The following PDE8B variants were observed in gnomAD, a reference collection of about 807,000 sequenced individuals.
The protein encoded by PDE8B is high affinity cAMP-specific and IBMX-insensitive 3',5'-cyclic phosphodiesterase 8B.
A neutral mutation model predicts 101.3 loss-of-function variants in PDE8B; 26 were observed. The observed-to-expected ratio is 0.26, with a 90% CI of 0.19 to 0.36. The LOEUF (loss-of-function observed/expected upper bound fraction) is 0.36. Among genes scored for constraint, PDE8B ranks in the 10% least tolerant of loss-of-function variants. The pLI is 1.00. For missense variants in PDE8B, 810 were observed against 1,163.1 expected (o/e 0.70, Z 4.42); for synonymous variants, 424 against 429.3 (o/e 0.99, Z 0.15).
At chr5:77,160,299 G>T in the PDE8B span, among the ~76,000 whole-genome samples, 1 of 152,022 alleles carries the variant, frequency 6.6e-6, no homozygotes, top group East Asian at 1.9e-4. Flanking sequence ...CATGCATTGG[G>T]GATTGGTTCC....
At chr5:77,286,292 C>T (rs965953914) in intron 1 of PDE8B, among the ~76,000 whole-genome samples, 1 of 152,202 alleles carries the variant, frequency 6.6e-6, no homozygotes, top group African/African-American at 2.4e-5. Flanking sequence ...TGTGCATGAA[C>T]AGTTCCAGGA....
the PDE8B span, among the ~76,000 whole-genome samples, chr5:77,182,250 G>A: frequency 6.6e-6 from 1 of 151,700 alleles, no homozygotes; most frequent in Non-Finnish European, 1.5e-5. Context: ...ATTGTACTTG[G>A]TTCCAAAGAG....
At chr5:77,308,010 T>C (rs1443986856) in intron 1 of PDE8B, among the ~76,000 whole-genome samples, 3 of 152,232 alleles carry the variant, frequency 2.0e-5, no homozygotes, top group African/African-American at 7.2e-5. Context: ...CAGATGTCAG[T>C]AAATTATCTC....
chr5:77,354,346 A>G (rs1026764093), intron 10 of PDE8B, among the ~76,000 whole-genome samples: 4 of 152,192 alleles, frequency 2.6e-5, no homozygotes, highest in Non-Finnish European at 5.9e-5. Flanking sequence ...ATATAGTTGG[A>G]GATAAAGTCC....
At chr5:77,093,725 A>G in the PDE8B span, among the ~76,000 whole-genome samples, 1 of 152,154 alleles carries the variant, frequency 6.6e-6, no homozygotes, top group African/African-American at 2.4e-5. Context: ...ACAGATGCAT[A>G]AACTTCATTA....
chr5:77,214,046 T>C (rs946299100), intron 1 of PDE8B: 3 of 152,248 alleles, frequency 2.0e-5, no homozygotes, highest in Non-Finnish European at 4.4e-5. Context: ...CCTAGCAATT[T>C]CTTTCCTTTT....
chr5:77,265,238 CAGT>C (rs1761454426), intron 1 of PDE8B, among the ~76,000 whole-genome samples: 1 of 152,172 alleles, frequency 6.6e-6, no homozygotes, highest in African/African-American at 2.4e-5. Context: ...CACAGACAAT[CAGT>C]GGTGGTGTTG....
chr5:77,310,142 G>C (rs1772265470), intron 1 of PDE8B, among the ~76,000 whole-genome samples: 1 of 151,800 alleles, frequency 6.6e-6, no homozygotes, highest in African/African-American at 2.4e-5. Context: ...GTAGAGATGG[G>C]GTTTCACCAT....
At chr5:77,335,558 TGTGTGTGA>T (rs1173908506) in intron 5 of PDE8B, among the ~76,000 whole-genome samples, 104 of 120,010 alleles carry the variant, frequency 8.7e-4, no homozygotes, top group African/African-American at 3.0e-3. Flanking sequence ...TGTGTGTGTG[TGTGTGTGA>T]GAGAGAGAGG....
intron 1 of PDE8B, among the ~76,000 whole-genome samples, chr5:77,213,048 A>G (rs774255260): frequency 1.3e-5 from 2 of 152,238 alleles, no homozygotes; most frequent in Non-Finnish European, 2.9e-5. Flanking sequence ...AGAATACTGA[A>G]TGAACCCATT....
chr5:77,390,140 T>C (rs1265453973), intron 10 of PDE8B, among the ~76,000 whole-genome samples: 2 of 152,164 alleles, frequency 1.3e-5, no homozygotes, highest in Admixed American at 1.3e-4. Flanking sequence ...ATAAATAGGA[T>C]TTTTAAATGA....
At chr5:77,266,399 A>G (rs1035045918) in intron 1 of PDE8B, among the ~76,000 whole-genome samples, 4 of 152,156 alleles carry the variant, frequency 2.6e-5, no homozygotes, top group African/African-American at 4.8e-5. Context: ...TGGTGATTTC[A>G]TGGCTTAAAA....
the PDE8B span, among the ~76,000 whole-genome samples, chr5:77,151,724 C>T: frequency 2.6e-5 from 4 of 152,326 alleles, no homozygotes; most frequent in African/African-American, 9.6e-5. Flanking sequence ...CTTCTCACTC[C>T]TTCCAGACAG....
chr5:77,398,617 G>A (rs921706290), intron 10 of PDE8B, among the ~76,000 whole-genome samples: 3 of 152,026 alleles, frequency 2.0e-5, no homozygotes, highest in Non-Finnish European at 4.4e-5. Context: ...CACGGCGCCC[G>A]ACCGGCTGTT....
chr5:77,300,096 G>A (rs530066073), intron 1 of PDE8B, among the ~76,000 whole-genome samples: 60 of 152,320 alleles, frequency 3.9e-4, no homozygotes, highest in Non-Finnish European at 6.0e-4. Context: ...TGCAGTGTAG[G>A]CATTTTAATG....
At chr5:77,419,931 T>G in intron 19 of PDE8B, 44 bp downstream of exon 19, 4 of 1,609,740 alleles carry the variant, frequency 2.5e-6, no homozygotes, top group Non-Finnish European at 3.4e-6. Flanking sequence ...CAAGTACATT[T>G]CCATAAGAGC....
At chr5:77,181,063 C>T in the PDE8B span, among the ~76,000 whole-genome samples, 1 of 150,056 alleles carries the variant, frequency 6.7e-6, no homozygotes, top group African/African-American at 2.5e-5. Flanking sequence ...GCACCCACCC[C>T]TACCCCTACC....
In PDE8B at chr5:77,211,988, C is replaced by A. The variant is rs1018291981; in HGVS notation, c.339+724C>A. Among the ~76,000 whole-genome samples the A allele has an allele frequency of 1.3e-5, 2 of 152,126 alleles. No homozygotes were observed. Among genetic ancestry groups the A allele is most frequent in the African/African-American group, 4.8e-5 (2 of 41,422 alleles). ...CTGTCTGAGGATGATTCTGCACATACAACTGATCTTCCCAGAGAGTGGGAT... is the reference window on the plus strand; with the variant it reads ...CTGTCTGAGGATGATTCTGCACATAAAACTGATCTTCCCAGAGAGTGGGAT... On this transcript the variant is annotated intron_variant, in intron 1 of 21. Coordinates refer to ENST00000264917, the MANE Select transcript of PDE8B (RefSeq NM_003719.5). This position sits in a 1 kb window ranked among gnomAD's most constrained non-coding sequence, Gnocchi z 4.1.
In PDE8B at chr5:77,245,011, T is replaced by C. The variant is rs992578007; in HGVS notation, c.339+33747T>C. Reference sequence around the variant, plus strand: ...CATAGGCCACAGATTCCAGTGAATGTGTAATCATAGGCAAGGGGAAAATAC... The same window carrying C: ...CATAGGCCACAGATTCCAGTGAATGCGTAATCATAGGCAAGGGGAAAATAC... On this transcript the variant is annotated intron_variant, in intron 1 of 21. Transcript: ENST00000264917. Among the ~76,000 whole-genome samples the C allele has an allele frequency of 2.0e-5, 3 of 152,218 alleles. No individual in the cohort carries two copies. The East Asian group carries it at 5.8e-4, about 29-fold the overall frequency.
Sources: allele counts gnomAD v4.1 joint callset (sites outside exome capture counted in the v4.1 genomes callset), GRCh38; gene constraint gnomAD v4.1.1; non-coding constraint Gnocchi (gnomAD v3.1); transcripts MANE v1.5; gene names NCBI Gene and HGNC (gene_info 2026-07-23, HGNC 2026-07-21).